The following AGBL1 variants were observed in gnomAD, a reference collection of about 807,000 sequenced individuals.
AGBL1 encodes AGBL carboxypeptidase 1.
AGBL1 carries 130 observed loss-of-function variants against 118.9 expected under a neutral mutation model. The observed-to-expected ratio is 1.09, with a 90% CI of 0.95 to 1.26. AGBL1 has a LOEUF of 1.26. AGBL1 is among the 50% of genes most tolerant of loss of function. AGBL1 has a pLI of 0.00. For missense variants in AGBL1, 1,584 were observed against 1,298.1 expected (o/e 1.22, Z -3.38); for synonymous variants, 555 against 478.9 (o/e 1.16, Z -2.08).
chr15:86,255,433 A>T (rs1362198188), intron 7 of AGBL1, among the ~76,000 whole-genome samples: 2 of 152,200 alleles, frequency 1.3e-5, no homozygotes, highest in Non-Finnish European at 1.5e-5. Context: ...TGACTGGCAC[A>T]CACTGAAGGA....
chr15:86,123,068 A>C (rs951674569), intron 1 of AGBL1, among the ~76,000 whole-genome samples: 2 of 152,176 alleles, frequency 1.3e-5, no homozygotes, highest in African/African-American at 4.8e-5. Context: ...TTGTGGGGAA[A>C]ATCTGCATTC....
intron 1 of AGBL1, among the ~76,000 whole-genome samples, chr15:86,099,904 T>G (rs1896611533): frequency 6.6e-6 from 1 of 152,206 alleles, no homozygotes; most frequent in South Asian, 2.1e-4. Context: ...CATCTTGTCT[T>G]GTTCAGTTCT....
intron 5 of AGBL1, among the ~76,000 whole-genome samples, chr15:86,197,620 A>C (rs2077835122): frequency 6.6e-6 from 1 of 152,214 alleles, no homozygotes; most frequent in Non-Finnish European, 1.5e-5. Context: ...GAAATTGACA[A>C]AGGAATTGTT....
At chr15:86,362,005 T>G (rs141920190) in intron 17 of AGBL1, among the ~76,000 whole-genome samples, 251 of 152,322 alleles carry the variant, frequency 1.6e-3, no homozygotes, top group Non-Finnish European at 2.9e-3. Context: ...TTTTGTAGTT[T>G]CTTTCTTTCT....
At chr15:86,624,943 G>C (rs1210265002) in intron 21 of AGBL1, among the ~76,000 whole-genome samples, 1 of 152,168 alleles carries the variant, frequency 6.6e-6, no homozygotes, top group African/African-American at 2.4e-5. Context: ...TGCCTTCAGA[G>C]CTGCTTACCA....
intron 22 of AGBL1, among the ~76,000 whole-genome samples, chr15:86,676,036 C>G (rs2085840701): frequency 6.6e-6 from 1 of 152,160 alleles, no homozygotes; most frequent in Non-Finnish European, 1.5e-5. Flanking sequence ...TGCCTCCACC[C>G]TTCCACACCA....
intron 7 of AGBL1, among the ~76,000 whole-genome samples, chr15:86,249,798 A>C (rs570641225): frequency 1.8e-4 from 27 of 152,254 alleles, no homozygotes; most frequent in Non-Finnish European, 3.4e-4. Context: ...ATAAAGGAAG[A>C]AGACAGTAGT....
At chr15:86,952,197 C>T (rs1042959690) in intron 23 of AGBL1, among the ~76,000 whole-genome samples, 4 of 151,608 alleles carry the variant, frequency 2.6e-5, no homozygotes, top group African/African-American at 9.7e-5. Flanking sequence ...CGCTGCTGCA[C>T]TCCAGCCTGG....
chr15:86,136,016 A>T (rs898301238), intron 1 of AGBL1, among the ~76,000 whole-genome samples: 2 of 152,214 alleles, frequency 1.3e-5, no homozygotes, highest in Non-Finnish European at 2.9e-5. Context: ...TCACTAGTCC[A>T]GGTGTGCCCA....
intron 17 of AGBL1, among the ~76,000 whole-genome samples, chr15:86,300,323 C>T (rs945607368): frequency 6.6e-6 from 1 of 152,150 alleles, no homozygotes; most frequent in Non-Finnish European, 1.5e-5. Context: ...AGAGCTATAT[C>T]TCTGGAAGAT....
rs1317652952 is a variant in AGBL1, at chr15:86,908,083, G to A, written c.*789G>A. The A allele has an allele frequency of 6.6e-6, 1 of 152,086 alleles. No homozygotes were observed. Among genetic ancestry groups the A allele is most frequent in the East Asian group, 1.9e-4 (1 of 5,198 alleles). The allele number at this position is 152,086 out of a possible 1,614,324, so 9.4% of individuals were successfully genotyped here. ...GCTAGATCTGGCAGTTGCTTGTTAT[G>A]ACAATTTAGGCAAGTAATTAAATTT... On this transcript the variant is annotated 3_prime_UTR_variant, in exon 23 of 23. Transcript: ENST00000614907.
At chr15:86,518,065 G>A (rs2083143506) in intron 18 of AGBL1, among the ~76,000 whole-genome samples, 2 of 152,118 alleles carry the variant, frequency 1.3e-5, no homozygotes, top group African/African-American at 2.4e-5. Context: ...TATCTAGCCT[G>A]GCATCATTCA....
intron 6 of AGBL1, among the ~76,000 whole-genome samples, chr15:86,236,649 G>C (rs1242512765): frequency 6.6e-6 from 1 of 152,046 alleles, no homozygotes; most frequent in Non-Finnish European, 1.5e-5. Context: ...ACATGGAGTA[G>C]TTTTAAGGAG....
chr15:86,570,807 ATCTTTGCCCAAGTTTTGCTTGGGCCC>A (rs1208426250), intron 21 of AGBL1, among the ~76,000 whole-genome samples: 1 of 152,176 alleles, frequency 6.6e-6, no homozygotes, highest in East Asian at 1.9e-4. Context: ...GGCTGGAGGC[ATCTTTGCCCAAGTTTTGCTTGGGCCC>A]TCTGGGCTTG....
intron 18 of AGBL1, among the ~76,000 whole-genome samples, chr15:86,452,595 C>T (rs2082208688): frequency 6.6e-6 from 1 of 152,180 alleles, no homozygotes. Flanking sequence ...TACACCCTGT[C>T]ACATCCTAGT....
At chr15:86,448,741 AATTG>A (rs2082157666) in intron 18 of AGBL1, among the ~76,000 whole-genome samples, 1 of 152,142 alleles carries the variant, frequency 6.6e-6, no homozygotes, top group African/African-American at 2.4e-5. Context: ...AATATTTAGT[AATTG>A]ATTGGTTATG....
intron 16 of AGBL1, among the ~76,000 whole-genome samples, chr15:86,294,739 CTTTTT>C (rs752045947): frequency 4.0e-5 from 6 of 151,832 alleles, no homozygotes; most frequent in Non-Finnish European, 8.8e-5. Context: ...TGTCTCTTTT[CTTTTT>C]AAATTGTTTG....
chr15:86,566,242 G>T (rs932640014), intron 21 of AGBL1, among the ~76,000 whole-genome samples: 1 of 152,198 alleles, frequency 6.6e-6, no homozygotes. Context: ...CTGTAGACTG[G>T]AGCTGTTCCT....
At chr15:86,336,286 G>A (rs769430918) in intron 17 of AGBL1, among the ~76,000 whole-genome samples, 1 of 152,158 alleles carries the variant, frequency 6.6e-6, no homozygotes, top group Non-Finnish European at 1.5e-5. Context: ...CATGGGGTTG[G>A]GTTCTGTTTC....
Sources: allele counts gnomAD v4.1 joint callset (sites outside exome capture counted in the v4.1 genomes callset), GRCh38; gene constraint gnomAD v4.1.1; transcripts MANE v1.5; gene names NCBI Gene and HGNC (gene_info 2026-07-23, HGNC 2026-07-21).